MDGA1: variants seen among roughly 807,000 people sequenced by gnomAD.
MDGA1 encodes the protein MAM domain containing glycosylphosphatidylinositol anchor 1.
MDGA1 carries 54 observed loss-of-function variants against 101.5 expected under a neutral mutation model. That is an observed-to-expected ratio of 0.53 (90% confidence interval 0.43 to 0.67). MDGA1 has a LOEUF of 0.67. MDGA1 is among the 30% of genes least tolerant of loss of function. The pLI is 0.00. For missense variants in MDGA1, 1,083 were observed against 1,323.8 expected (o/e 0.82, Z 2.82); for synonymous variants, 533 against 558.3 (o/e 0.95, Z 0.64).
At chr6:37,646,067 C>A in intron 11 of MDGA1, 111 bp from the exon 12 acceptor site, 2 of 1,570,300 alleles carry the variant, frequency 1.3e-6, no homozygotes, top group Non-Finnish European at 1.7e-6. Context: ...TGGGGGCCAG[C>A]GGATCTGGCC....
chr6:37,648,918 G>T, intron 9 of MDGA1, 64 bp downstream of exon 9: 3 of 1,509,874 alleles, frequency 2.0e-6, no homozygotes, highest in Non-Finnish European at 2.7e-6. Context: ...CCCGGGCTGG[G>T]ATTGGGGCAG....
chr6:37,660,265 C>A (rs567394468), intron 2 of MDGA1, among the ~76,000 whole-genome samples: 1 of 151,968 alleles, frequency 6.6e-6, no homozygotes, highest in Non-Finnish European at 1.5e-5. Flanking sequence ...GTCCTCCCAC[C>A]TTGGTCTCCC....
intron 1 of MDGA1, among the ~76,000 whole-genome samples, chr6:37,667,779 G>C (rs1320815063): frequency 6.6e-6 from 1 of 152,214 alleles, no homozygotes; most frequent in Non-Finnish European, 1.5e-5. Context: ...AGAAGCTTTG[G>C]TGACAGATAA....
In MDGA1 at chr6:37,664,071, C is replaced by G. The variant is rs1377890773; in HGVS notation, c.103G>C (p.Ala35Pro). ...ATATTGTCCTCTTTCACCACACATG[C>G]CTGGCCCGCATGCACGATCTGCGCC... is the stretch of plus-strand genomic sequence containing the variant. ...AQAQIVHAGQ[A>P]CVVKEDNISE... The change falls in exon 2 of 17, where the codon GCA (alanine) becomes CCA (proline). Residue 35 changes from alanine to proline, a missense_variant. Ala to Pro is a conservative substitution (Grantham distance 27). Coordinates refer to ENST00000434837, the MANE Select transcript of MDGA1 (RefSeq NM_153487.4). 1.2e-6 allele frequency: 2 copies of G among 1,613,818 alleles called. No individual in the cohort carries two copies. Among genetic ancestry groups the G allele is most frequent in the Admixed American group, 1.7e-5 (1 of 60,012 alleles).
At chr6:37,688,288 C>T (rs1261925689) in intron 1 of MDGA1, among the ~76,000 whole-genome samples, 2 of 152,154 alleles carry the variant, frequency 1.3e-5, no homozygotes, top group East Asian at 1.9e-4. Context: ...TCAGGAGGCC[C>T]GGGGTGGGGC....
intron 1 of MDGA1, among the ~76,000 whole-genome samples, chr6:37,666,923 G>T (rs1318142017): frequency 2.6e-5 from 4 of 152,210 alleles, no homozygotes; most frequent in African/African-American, 9.7e-5. Context: ...TAAACCTCTA[G>T]TGATCTTTGG....
At position 37,631,646 on chromosome 6, in the gene MDGA1, C is replaced by T. The variant is rs1763825342; in HGVS notation, c.*5722G>A. ...TTGGGGTCACTTTGCAAATGCTCAT[C>T]ACTGCCTATCCCCATGACCTTGGCA... On this transcript the variant is annotated 3_prime_UTR_variant, in exon 17 of 17. Transcript: ENST00000434837. 6.6e-6 allele frequency: 1 copy of T among 152,198 alleles called. No individual in the cohort carries two copies. The highest frequency in any genetic ancestry group is 1.5e-5 in the Non-Finnish European group (1 of 68,048). The allele number at this position is 152,198 out of a possible 1,614,324, so 9.4% of individuals were successfully genotyped here.
rs754123174 is a variant in MDGA1, at chr6:37,658,368, A to G, written c.259T>C (p.Ser87Pro). Residue 87 changes from serine (S) to proline (P), a missense_variant, in exon 3 of 17, where the codon TCG becomes CCG. Ser to Pro is a moderately conservative substitution (Grantham distance 74). This residue lies in a region of MDGA1 where 310 missense variants were observed against 355.9 expected (regional missense o/e 0.87). Transcript: ENST00000434837. ...ATGCGCAGCGTCTCGTTGAACACCG[A>G]TGTCTCCTGGAACTTGTCCGAGGCG... ...GSASDKFQETSVFNETLRIER... is the reference protein window; with the variant it reads ...GSASDKFQETPVFNETLRIER... 2.5e-6 allele frequency: 4 copies of G among 1,612,936 alleles called. No individual in the cohort carries two copies. Among genetic ancestry groups the G allele is most frequent in the East Asian group, 2.2e-5 (1 of 44,864 alleles).
chr6:37,646,864 G>T (rs1469307368), intron 10 of MDGA1, among the ~76,000 whole-genome samples: 1 of 152,066 alleles, frequency 6.6e-6, no homozygotes, highest in African/African-American at 2.4e-5. Context: ...TTAAGCTCTT[G>T]ACCCAAGAGT....
rs1033858954 is a variant in MDGA1 at position 37,697,633 on chromosome 6, GCCGCTCGCCGCCT to G, written c.-835_-823del. On this transcript the variant is annotated 5_prime_UTR_variant, in exon 1 of 17. Transcript: ENST00000434837. ...CCCAGGCCGGGGCTGCGGCGCGGGC[GCCGCTCGCCGCCT>G]CCGCTCGCCGCGCTCCTCTCCCGCC... 7.9e-5 allele frequency: 12 copies of G among 151,968 alleles called. No homozygotes were observed. The highest frequency in any genetic ancestry group is 6.2e-4 in the South Asian group (3 of 4,830). 9.4% of individuals were successfully genotyped at this position (151,968 alleles called of 1,614,324 possible). A position where few individuals can be genotyped will look rare whatever the true frequency, so the allele number is the denominator to read the frequency against.
chr6:37,646,239 C>T lies in MDGA1; in HGVS notation c.2183G>A (p.Gly728Glu). Residue 728 changes from glycine (G) to glutamate (E), a missense_variant, in exon 11 of 17, where the codon GGG (glycine) becomes GAG (glutamate). This residue lies in a region of MDGA1 where 657 missense variants were observed against 771.4 expected (regional missense o/e 0.85). Transcript: ENST00000434837. Reference protein sequence around the residue: ...EVRLTPYTTFGAGDMASRIIH... With the variant: ...EVRLTPYTTFEAGDMASRIIH... ...GATGCGGGAGGCCATGTCACCAGCC[C>T]CGAAGGTGGTATAGGGTGTGAGGCG... The T allele has an allele frequency of 6.3e-7, 1 of 1,597,046 alleles. No homozygotes were observed. Among genetic ancestry groups the T allele is most frequent in the Non-Finnish European group, 8.6e-7 (1 of 1,169,486 alleles).
rs1763864192 is a variant in MDGA1, at chr6:37,633,542, G to A, written c.*3826C>T. 6.6e-6 allele frequency: 1 copy of A among 152,464 alleles called. No homozygotes were observed. The highest frequency in any genetic ancestry group is 6.5e-5 in the Admixed American group (1 of 15,304). 9.4% of individuals were successfully genotyped at this position (152,464 alleles called of 1,614,324 possible). A position where few individuals can be genotyped will look rare whatever the true frequency, so the allele number is the denominator to read the frequency against. On this transcript the variant is annotated 3_prime_UTR_variant, in exon 17 of 17. Coordinates refer to ENST00000434837, the MANE Select transcript of MDGA1 (RefSeq NM_153487.4). ...CTTGTGAAGTCACAGGGGAGAGGAG[G>A]GGAAACAGGGTCTCTTCTGTCTGGG...
intron 1 of MDGA1, among the ~76,000 whole-genome samples, chr6:37,690,657 G>C (rs998556590): frequency 6.6e-6 from 1 of 151,440 alleles, no homozygotes. Context: ...TGTGCCTGTA[G>C]TCCTAGTTAC....
intron 1 of MDGA1, among the ~76,000 whole-genome samples, chr6:37,694,529 TG>T (rs1469201366): frequency 5.9e-5 from 9 of 152,160 alleles, no homozygotes; most frequent in African/African-American, 2.2e-4. Flanking sequence ...GAAAGACTGC[TG>T]GGGAGGGGGG....
rs1418449149 is a variant in MDGA1, at chr6:37,638,061, ACACAGTCAGAGC to A, written c.2776+132_2776+143del. ...CTGAGTGAGTGTGGGGCACACCTTC[ACACAGTCAGAGC>A]CACATGATTCCCATCACTCAGACAT... On this transcript the variant is annotated intron_variant, in intron 16 of 16. Coordinates refer to ENST00000434837, the MANE Select transcript of MDGA1 (RefSeq NM_153487.4). The surrounding 1 kb of genome is among the most constrained non-coding windows in gnomAD (Gnocchi z 4.8). The A allele has an allele frequency of 3.0e-5, 21 of 703,616 alleles. No homozygotes were observed. The Admixed American group carries it at 4.6e-4, about 15-fold the overall frequency. The allele number at this position is 703,616 out of a possible 1,614,324, so 43.6% of individuals were successfully genotyped here. A position where few individuals can be genotyped will look rare whatever the true frequency, so the allele number is the denominator to read the frequency against.
In MDGA1 at chr6:37,638,576, C is replaced by T. The variant is rs746410221; in HGVS notation, c.2628G>A (p.Gln876=). 3.1e-6 allele frequency: 5 copies of T among 1,614,014 alleles called. No homozygotes were observed. Among genetic ancestry groups the T allele is most frequent in the Admixed American group, 3.3e-5 (2 of 60,034 alleles). Residue 876 remains glutamine (Q), a synonymous_variant, in exon 15 of 17, where the codon CAG becomes CAA. Coordinates refer to ENST00000434837, the MANE Select transcript of MDGA1 (RefSeq NM_153487.4). The surrounding 1 kb of genome is among the most constrained non-coding windows in gnomAD (Gnocchi z 4.8). ...SLSGNKGNVW[Q]QAHVPISPSG... ...TGGGGCTGATGGGCACATGGGCCTG[C>T]TGCCACACATTGCCCTTATTGCCAC...
At position 37,644,544 on chromosome 6, in the gene MDGA1, C is replaced by T. The variant is rs773735791; in HGVS notation, c.2354G>A (p.Arg785His). 9.8e-5 allele frequency: 158 copies of T among 1,604,654 alleles called. No homozygotes were observed. The highest frequency in any genetic ancestry group is 7.6e-4 in the Admixed American group (45 of 58,926). Reference protein sequence around the residue: ...RQNALTQNPKRSPNTGPPTDI... With the variant: ...RQNALTQNPKHSPNTGPPTDI... The stretch of plus-strand genomic sequence containing the variant: ...GGTGGGGGGACCAGTGTTGGGGGAG[C>T]GTTTGGGGTTCTGGGTGAGGGCATT... Residue 785 changes from arginine to histidine, a missense_variant, in exon 13 of 17, where the codon CGC becomes CAC. Arg to His is a conservative substitution (Grantham distance 29). Transcript: ENST00000434837.
chr6:37,648,970 C>T lies in MDGA1; in HGVS notation c.1894+12G>A. The T allele has an allele frequency of 6.4e-7, 1 of 1,550,782 alleles. No homozygotes were observed. The highest frequency in any genetic ancestry group is 8.7e-7 in the Non-Finnish European group (1 of 1,148,628). On this transcript the variant is annotated intron_variant, in intron 9 of 16. Transcript: ENST00000434837. ...GGCGTGGTAGGTGGGGCGGGACCCACTGGACGCTCACCGGAGACCTGGAAG... is the reference window on the plus strand; with the variant it reads ...GGCGTGGTAGGTGGGGCGGGACCCATTGGACGCTCACCGGAGACCTGGAAG...
chr6:37,689,151 C>T lies in MDGA1; in HGVS notation c.67+7594G>A, dbSNP rs934714709. On this transcript the variant is annotated intron_variant, in intron 1 of 16. Coordinates refer to ENST00000434837, the MANE Select transcript of MDGA1 (RefSeq NM_153487.4). ...TCTCACAGACTCTGTCACAGACCCT[C>T]GGGTCATGTCCCCTCTCAGGCCTCC... Among the ~76,000 whole-genome samples, 17 of 152,270 alleles carry T rather than the reference C, an allele frequency of 1.1e-4. 2 individuals carry two copies. The highest frequency in any genetic ancestry group is 3.3e-4 in the Admixed American group (5 of 15,298).
Sources: allele counts gnomAD v4.1 joint callset (sites outside exome capture counted in the v4.1 genomes callset), GRCh38; gene constraint gnomAD v4.1.1; regional missense constraint gnomAD v4.1.1; non-coding constraint Gnocchi (gnomAD v3.1); transcripts MANE v1.5; gene names NCBI Gene and HGNC (gene_info 2026-07-23, HGNC 2026-07-21).